The following EVC2 variants were observed in gnomAD, a reference collection of about 807,000 sequenced individuals.
EVC2 encodes limbin.
Under a neutral mutation model 149.3 loss-of-function variants are expected in EVC2, and 148 were observed. The observed-to-expected ratio is 0.99, with a 90% CI of 0.87 to 1.14. EVC2 has a LOEUF of 1.14. Ranked by LOEUF, EVC2 falls within the 50% of genes most tolerant of loss-of-function variation. The pLI is 0.00. For synonymous variants in EVC2, 776 were observed against 649.9 expected (o/e 1.19, Z -2.95); for missense variants, 1,854 against 1,627.3 (o/e 1.14, Z -2.40).
intron 16 of EVC2, among the ~76,000 whole-genome samples, chr4:5,591,833 C>T (rs1005217435): frequency 6.6e-6 from 1 of 152,154 alleles, no homozygotes; most frequent in Non-Finnish European, 1.5e-5. Context: ...ATTAAATATT[C>T]AAGCCACTGA....
rs1358321755 is a variant in EVC2 at position 5,565,664 on chromosome 4, C to T, written c.3558-305G>A. ...CTCCAGCCTGGGCGACAGAGTGAGA[C>T]TCCATCTCAAAAAAAAAAAAAAAAA... On this transcript the variant is annotated intron_variant, in intron 20 of 21. Transcript: ENST00000344408. 5.4e-5 allele frequency among the ~76,000 whole-genome samples: 8 copies of T among 147,364 alleles called. No individual in the cohort carries two copies. The East Asian group carries it at 1.6e-3, about 29-fold the overall frequency.
chr4:5,618,541 C>T lies in EVC2; in HGVS notation c.2643G>A (p.Gln881=). 1 of 1,614,156 alleles carries T rather than the reference C, an allele frequency of 6.2e-7. No individual in the cohort carries two copies. The highest frequency in any genetic ancestry group is 1.1e-5 in the South Asian group (1 of 91,074). ...CGAACTCTGCTTCTCGCCACGCAGT[C>T]TGAAATTGCTGCAGCAGAACTCGGG... ...IRARVLLQQF[Q]TAWREAEFVK... Residue 881 remains glutamine (Q), a synonymous_variant, in exon 15 of 22, where the codon CAG becomes CAA. Transcript: ENST00000344408. The surrounding 1 kb of genome is among the most constrained non-coding windows in gnomAD (Gnocchi z 4.4).
intron 16 of EVC2, among the ~76,000 whole-genome samples, chr4:5,589,639 G>A (rs182586554): frequency 1.3e-5 from 2 of 151,618 alleles, no homozygotes; most frequent in Admixed American, 1.3e-4. Flanking sequence ...GCAGTAACCT[G>A]GGACAATGAC....
intron 17 of EVC2, among the ~76,000 whole-genome samples, chr4:5,581,678 G>A (rs750226802): frequency 3.3e-5 from 5 of 152,226 alleles, no homozygotes; most frequent in Admixed American, 2.0e-4. Context: ...GAAGCTGAGT[G>A]TAAAAGTGTG....
At chr4:5,671,329 C>T (rs1184158790) in intron 7 of EVC2, among the ~76,000 whole-genome samples, 1 of 152,158 alleles carries the variant, frequency 6.6e-6, no homozygotes, top group African/African-American at 2.4e-5. Context: ...GTTTGTGCCC[C>T]TGTTAACACT....
intron 16 of EVC2, among the ~76,000 whole-genome samples, chr4:5,610,187 T>C (rs929412315): frequency 2.0e-5 from 3 of 152,174 alleles, no homozygotes; most frequent in African/African-American, 7.2e-5. Context: ...ATATGGACTA[T>C]GGACATACAT....
At position 5,706,370 on chromosome 4, in the gene EVC2, A is replaced by ATAGATAGATAGC. The variant is rs1722161596; in HGVS notation, c.228+1915_228+1916insGCTATCTATCTA. ...GATAGATAGACACATAGATAGATAC[A>ATAGATAGATAGC]TAGATAGATACATAGATAGATACAT... On this transcript the variant is annotated intron_variant, in intron 1 of 21. Transcript: ENST00000344408. Among the ~76,000 whole-genome samples, 3 of 57,604 alleles carry ATAGATAGATAGC rather than the reference A, an allele frequency of 5.2e-5. 1 individual carries two copies. Among genetic ancestry groups the ATAGATAGATAGC allele is most frequent in the African/African-American group, 1.3e-4 (3 of 22,256 alleles). The allele number at this position is 57,604 out of a possible 152,430, so 37.8% of individuals were successfully genotyped here.
rs1715460050 is a variant in EVC2, at chr4:5,618,696, C to T, written c.2502-14G>A. 1.3e-6 allele frequency: 2 copies of T among 1,575,478 alleles called. No individual in the cohort carries two copies. Among genetic ancestry groups the T allele is most frequent in the African/African-American group, 1.4e-5 (1 of 73,962 alleles). On this transcript the variant is annotated splice_polypyrimidine_tract_variant and intron_variant, in intron 14 of 21. Coordinates refer to ENST00000344408, the MANE Select transcript of EVC2 (RefSeq NM_147127.5). This position sits in a 1 kb window ranked among gnomAD's most constrained non-coding sequence, Gnocchi z 4.4. ...GAGCAGAGCTTCCTGGGAGGAAGAA[C>T]AGAGACACACTCTTAACACAGAGAA...
chr4:5,647,721 G>A lies in EVC2; in HGVS notation c.1146-6883C>T, dbSNP rs140591313. Among the ~76,000 whole-genome samples, 1,265 of 152,268 alleles carry A rather than the reference G, an allele frequency of 8.3e-3. 10 individuals are homozygous for A. The highest frequency in any genetic ancestry group is 0.031 in the Middle Eastern group (9 of 294). On this transcript the variant is annotated intron_variant, in intron 9 of 21. Transcript: ENST00000344408. Reference sequence around the variant, plus strand: ...ATGTGGCAGGGAGGACAGTGCCCCCGCAAAGACATTCACAGCCTAATCCCC... The same window carrying A: ...ATGTGGCAGGGAGGACAGTGCCCCCACAAAGACATTCACAGCCTAATCCCC...
intron 1 of EVC2, among the ~76,000 whole-genome samples, chr4:5,701,186 C>G (rs1255810741): frequency 2.0e-5 from 3 of 152,222 alleles, no homozygotes; most frequent in Non-Finnish European, 4.4e-5. Flanking sequence ...ATCTCTCTGA[C>G]CTCCTTCAAA....
the EVC2 span, among the ~76,000 whole-genome samples, chr4:5,531,528 T>C: frequency 6.6e-6 from 1 of 152,128 alleles, no homozygotes; most frequent in Admixed American, 6.6e-5. Flanking sequence ...CCGCTCCCCA[T>C]TGCTTGCTCG....
At position 5,576,640 on chromosome 4, in the gene EVC2, A is replaced by C. The variant is rs1250196247; in HGVS notation, c.3058-186T>G. Among the ~76,000 whole-genome samples the C allele has an allele frequency of 6.6e-6, 1 of 152,124 alleles. No homozygotes were observed. Among genetic ancestry groups the C allele is most frequent in the Non-Finnish European group, 1.5e-5 (1 of 68,028 alleles). ...GATCTCTCACCCCTGTGTCACCTCC[A>C]TGCCTCCACATAGGCCGTTCCCTCC... On this transcript the variant is annotated intron_variant, in intron 17 of 21. Transcript: ENST00000344408. This position sits in a 1 kb window ranked among gnomAD's most constrained non-coding sequence, Gnocchi z 4.5.
rs200968626 is a variant in EVC2 at position 5,563,029 on chromosome 4, A to G, written c.3746T>C (p.Ile1249Thr). 13 of 1,614,224 alleles carry G rather than the reference A, an allele frequency of 8.1e-6. No individual in the cohort carries two copies. The highest frequency in any genetic ancestry group is 6.7e-5 in the East Asian group (3 of 44,882). Reference protein sequence around the residue: ...GSWPHLSLEPIGELAPVPIVG... With the variant: ...GSWPHLSLEPTGELAPVPIVG... ...AATGGGTACAGGGGCCAGTTCGCCA[A>G]TGGGCTCCAGTGACAGGTGTGGCCA... Residue 1249 changes from isoleucine (I) to threonine (T), a missense_variant, in exon 22 of 22, where the codon ATT becomes ACT. Physicochemically the swap from Ile to Thr is moderately conservative, Grantham distance 89. Coordinates refer to ENST00000344408, the MANE Select transcript of EVC2 (RefSeq NM_147127.5).
At chr4:5,651,279 G>T (rs953755224) in intron 9 of EVC2, among the ~76,000 whole-genome samples, 24 of 152,250 alleles carry the variant, frequency 1.6e-4, no homozygotes, top group African/African-American at 5.3e-4. Context: ...TATGCAGATG[G>T]ATGGATGATA....
intron 7 of EVC2, among the ~76,000 whole-genome samples, chr4:5,666,329 A>AC (rs1460708227): frequency 6.6e-6 from 1 of 151,004 alleles, no homozygotes; most frequent in Non-Finnish European, 1.5e-5. Context: ...GATTAGGCAA[A>AC]ATTTGCTCAC....
intron 1 of EVC2, among the ~76,000 whole-genome samples, chr4:5,701,587 G>T (rs1721827694): frequency 6.6e-6 from 1 of 152,142 alleles, no homozygotes; most frequent in African/African-American, 2.4e-5. Flanking sequence ...ACTCTTTCCA[G>T]TCGAGAGTTC....
rs1393317756 is a variant in EVC2, at chr4:5,614,991, C to G, written c.2829+431G>C. Reference sequence around the variant, plus strand: ...GACTCCATTTCAAAAAAACCAAAACCAAACAAACAAAAAAAAATGGGGCTG... The same window carrying G: ...GACTCCATTTCAAAAAAACCAAAACGAAACAAACAAAAAAAAATGGGGCTG... On this transcript the variant is annotated intron_variant, in intron 16 of 21. Coordinates refer to ENST00000344408, the MANE Select transcript of EVC2 (RefSeq NM_147127.5). This position sits in a 1 kb window ranked among gnomAD's most constrained non-coding sequence, Gnocchi z 4.7. Among the ~76,000 whole-genome samples the G allele has an allele frequency of 2.0e-5, 3 of 150,934 alleles. No homozygotes were observed. The highest frequency in any genetic ancestry group is 4.4e-5 in the Non-Finnish European group (3 of 67,510).
At chr4:5,532,543 CG>C in the EVC2 span, among the ~76,000 whole-genome samples, 1 of 152,132 alleles carries the variant, frequency 6.6e-6, no homozygotes, top group Non-Finnish European at 1.5e-5. Flanking sequence ...TTCTTACACA[CG>C]GAACTGGGAG....
chr4:5,647,525 C>T (rs777482235), intron 9 of EVC2, among the ~76,000 whole-genome samples: 10 of 152,144 alleles, frequency 6.6e-5, no homozygotes, highest in Non-Finnish European at 1.3e-4. Context: ...ATGCAACGAG[C>T]GCTTTGCAGG....
Sources: allele counts gnomAD v4.1 joint callset (sites outside exome capture counted in the v4.1 genomes callset), GRCh38; gene constraint gnomAD v4.1.1; non-coding constraint Gnocchi (gnomAD v3.1); transcripts MANE v1.5; gene names NCBI Gene and HGNC (gene_info 2026-07-23, HGNC 2026-07-21).